The following AQP5 variants were observed in gnomAD, a reference collection of about 807,000 sequenced individuals.
AQP5 encodes aquaporin 5.
A neutral mutation model predicts 19.1 loss-of-function variants in AQP5; 15 were observed. The ratio of observed to expected loss-of-function variants is 0.79; its 90% CI spans 0.53 to 1.21. The LOEUF is 1.21. Among genes scored for constraint, AQP5 ranks in the 50% most tolerant of loss-of-function variants. AQP5 has a pLI of 0.00. For missense variants in AQP5, 355 were observed against 357.1 expected (o/e 0.99, Z 0.05); for synonymous variants, 182 against 160.3 (o/e 1.14, Z -1.02).
intron 3 of AQP5, 63 bp from the exon 4 acceptor site, chr12:49,964,929 G>A (rs572762958): frequency 2.6e-6 from 4 of 1,555,378 alleles, no homozygotes; most frequent in Admixed American, 3.7e-5. Context: ...TCTGTGGGGT[G>A]GGGGGCATGT....
At chr12:49,964,474 G>A (rs746435331) in intron 3 of AQP5, among the ~76,000 whole-genome samples, 1 of 152,136 alleles carries the variant, frequency 6.6e-6, no homozygotes, top group Non-Finnish European at 1.5e-5. Context: ...TGAGGATTTG[G>A]TGTCCGTCCC....
At chr12:49,964,826 A>G (rs1019643894) in intron 3 of AQP5, 166 bp from the exon 4 acceptor site, 21 of 985,056 alleles carry the variant, frequency 2.1e-5, no homozygotes, top group African/African-American at 1.8e-5. Context: ...GTGGTGTGTC[A>G]GTATATTCGT....
chr12:49,962,317 C>T lies in AQP5; in HGVS notation c.300C>T (p.Ala100=), dbSNP rs1403306869. The T allele has an allele frequency of 6.9e-6, 11 of 1,603,018 alleles. No homozygotes were observed. Among genetic ancestry groups the T allele is most frequent in the African/African-American group, 1.4e-5 (1 of 73,024 alleles). The part of the protein sequence containing the change: ...YVAAQLVGAI[A]GAGILYGVAP... Reference sequence around the variant, plus strand: ...CGGCCCAGCTGGTGGGCGCCATTGCCGGGGCTGGCATCCTCTACGGTGTGG... The same window carrying T: ...CGGCCCAGCTGGTGGGCGCCATTGCTGGGGCTGGCATCCTCTACGGTGTGG... Residue 100 remains alanine, a synonymous_variant, in exon 1 of 4, where the codon GCC becomes GCT. Transcript: ENST00000293599.
chr12:49,964,387 G>A (rs533591266), intron 3 of AQP5, among the ~76,000 whole-genome samples: 1 of 152,312 alleles, frequency 6.6e-6, no homozygotes, highest in Admixed American at 6.5e-5. Context: ...TGGGGACAGG[G>A]AGTCTGAGTA....
intron 1 of AQP5, 137 bp from the exon 2 acceptor site, chr12:49,963,355 G>A (rs1213898594): frequency 1.7e-6 from 2 of 1,174,850 alleles, no homozygotes; most frequent in South Asian, 1.4e-5. Context: ...TGGCTTCGCT[G>A]GGGCGATGTC....
rs759929671 is a variant in AQP5 at position 49,962,107 on chromosome 12, C to A, written c.90C>A (p.Gly30=). 3.1e-6 allele frequency: 5 copies of A among 1,613,504 alleles called. No homozygotes were observed. In the South Asian group the frequency reaches 3.3e-5, roughly 11 times the overall value. Residue 30 remains glycine (G), a synonymous_variant, in exon 1 of 4, where the codon GGC becomes GGA. Transcript: ENST00000293599. ...ATLIFVFFGL[G]SALKWPSALP... Reference sequence around the variant, plus strand: ...TCATCTTCGTCTTCTTTGGCCTGGGCTCGGCCCTCAAGTGGCCGTCGGCGC... The same window carrying A: ...TCATCTTCGTCTTCTTTGGCCTGGGATCGGCCCTCAAGTGGCCGTCGGCGC...
chr12:49,964,615 ACT>A (rs749489348), intron 3 of AQP5: 3 of 981,854 alleles, frequency 3.1e-6, no homozygotes, highest in Non-Finnish European at 2.4e-6. Context: ...GCTCATGGTC[ACT>A]CTCTCCAGGG....
In AQP5 at chr12:49,961,982, C is replaced by G. The variant is rs764029992; in HGVS notation, c.-36C>G. The G allele has an allele frequency of 3.8e-6, 5 of 1,319,150 alleles. No individual in the cohort carries two copies. The African/African-American group carries it at 6.1e-5, about 16-fold the overall frequency. The allele number at this position is 1,319,150 out of a possible 1,614,324, so 81.7% of individuals were successfully genotyped here. A position where few individuals can be genotyped will look rare whatever the true frequency, so the allele number is the denominator to read the frequency against. ...CGCCTGCGACCCAACGGGCGCCCCC[C>G]GCCGCGGCAGCTGCCGCCGGGCCCC... On this transcript the variant is annotated 5_prime_UTR_variant, in exon 1 of 4. Coordinates refer to ENST00000293599, the MANE Select transcript of AQP5 (RefSeq NM_001651.4).
chr12:49,963,461 G>A, intron 1 of AQP5, 31 bp from the exon 2 acceptor site: 3 of 1,608,112 alleles, frequency 1.9e-6, no homozygotes, highest in South Asian at 1.1e-5. Context: ...CCAGAAGGTG[G>A]CCGGGGTCCT....
intron 1 of AQP5, 98 bp from the exon 2 acceptor site, chr12:49,963,394 T>A: frequency 6.6e-7 from 1 of 1,503,940 alleles, no homozygotes; most frequent in Non-Finnish European, 9.0e-7. Context: ...GGTGCCAAGG[T>A]GCTCTAAGTG....
Position 49,962,181 on chromosome 12 carries a change from C to T in AQP5, c.164C>T (p.Thr55Met), listed in dbSNP as rs1348251687. 3 of 1,610,272 alleles carry T rather than the reference C, an allele frequency of 1.9e-6. No homozygotes were observed. Among genetic ancestry groups the T allele is most frequent in the Non-Finnish European group, 2.5e-6 (3 of 1,179,792 alleles). ...CTGGCGTTTGGCCTGGCCATAGGCA[C>T]GCTGGCCCAGGCCCTGGGACCCGTG... ...IALAFGLAIGTLAQALGPVSG... is the reference protein window; with the variant it reads ...IALAFGLAIGMLAQALGPVSG... Residue 55 changes from threonine to methionine, a missense_variant, in exon 1 of 4, where the codon ACG becomes ATG. Coordinates refer to ENST00000293599, the MANE Select transcript of AQP5 (RefSeq NM_001651.4).
chr12:49,962,179 C>G lies in AQP5; in HGVS notation c.162C>G (p.Gly54=). 6.2e-7 allele frequency: 1 copy of G among 1,610,388 alleles called. No individual in the cohort carries two copies. The highest frequency in any genetic ancestry group is 8.5e-7 in the Non-Finnish European group (1 of 1,179,784). ...CGCTGGCGTTTGGCCTGGCCATAGG[C>G]ACGCTGGCCCAGGCCCTGGGACCCG... ...QIALAFGLAI[G]TLAQALGPVS... The change falls in exon 1 of 4, where the codon GGC becomes GGG. Residue 54 remains glycine (G), a synonymous_variant. Transcript: ENST00000293599.
rs1285794353 is a variant in AQP5 at position 49,962,195 on chromosome 12, C to G, written c.178C>G (p.Leu60Val). 2 of 1,609,104 alleles carry G rather than the reference C, an allele frequency of 1.2e-6. No homozygotes were observed. The highest frequency in any genetic ancestry group is 2.2e-5 in the South Asian group (2 of 91,058). ...GGCCATAGGCACGCTGGCCCAGGCC[C>G]TGGGACCCGTGAGCGGCGGCCACAT... ...GLAIGTLAQALGPVSGGHINP... is the reference protein window; with the variant it reads ...GLAIGTLAQAVGPVSGGHINP... The change falls in exon 1 of 4, where the codon CTG (leucine) becomes GTG (valine). Residue 60 changes from leucine to valine, a missense_variant. Coordinates refer to ENST00000293599, the MANE Select transcript of AQP5 (RefSeq NM_001651.4).
intron 1 of AQP5, 181 bp downstream of exon 1, chr12:49,962,561 T>A: frequency 1.3e-6 from 1 of 763,478 alleles, no homozygotes; most frequent in Non-Finnish European, 1.9e-6. Context: ...GCTCCCTTCC[T>A]GCCCACCTCC....
chr12:49,963,359 C>T (rs1294770551), intron 1 of AQP5, 133 bp from the exon 2 acceptor site: 16 of 1,200,458 alleles, frequency 1.3e-5, no homozygotes, highest in East Asian at 2.4e-5. Flanking sequence ...TTCGCTGGGG[C>T]GATGTCCACA....
intron 3 of AQP5, 147 bp downstream of exon 3, chr12:49,964,322 T>A: frequency 1.2e-6 from 1 of 865,122 alleles, no homozygotes; most frequent in Non-Finnish European, 1.8e-6. Context: ...AGGGACACAG[T>A]AGGGGATGGG....
chr12:49,965,002 T>C lies in AQP5; in HGVS notation c.623T>C (p.Val208Ala). The C allele has an allele frequency of 6.2e-7, 1 of 1,613,028 alleles. No individual in the cohort carries two copies. The highest frequency in any genetic ancestry group is 1.7e-4 in the Middle Eastern group (1 of 6,056). The change falls in exon 4 of 4, where the codon GTA becomes GCA. Residue 208 changes from valine to alanine, a missense_variant. Physicochemically the swap from Val to Ala is moderately conservative, Grantham distance 64. Coordinates refer to ENST00000293599, the MANE Select transcript of AQP5 (RefSeq NM_001651.4). ...CCCTGTCTCCACCAGGTTTTCTGGG[T>C]AGGGCCCATCGTGGGGGCGGTCCTG... ...RFSPAHWVFW[V>A]GPIVGAVLAA...
chr12:49,962,604 T>C, intron 1 of AQP5: 1 of 529,340 alleles, frequency 1.9e-6, no homozygotes, highest in Non-Finnish European at 3.0e-6. Context: ...CCCACCCTGG[T>C]CTCTCTCCAA....
chr12:49,964,937 T>C, intron 3 of AQP5, 55 bp from the exon 4 acceptor site: 2 of 1,568,688 alleles, frequency 1.3e-6, no homozygotes, highest in South Asian at 1.2e-5. Context: ...GTGGGGGGCA[T>C]GTGGTCTTCA....
Sources: gnomAD v4.1 joint callset for allele counts (sites outside exome capture counted in the v4.1 genomes callset) on GRCh38, gnomAD v4.1.1 for gene constraint, MANE v1.5 for transcripts, NCBI Gene and HGNC (gene_info 2026-07-23, HGNC 2026-07-21) for gene names.